The following ABCB5 variants were observed in gnomAD, a reference collection of about 807,000 sequenced individuals.
The protein encoded by ABCB5 is ATP-binding cassette sub-family B member 5.
In ABCB5, 155 loss-of-function variants were observed where a neutral mutation model predicts 144.2. The observed-to-expected ratio is 1.08, with a 90% CI of 0.94 to 1.23. ABCB5 has a LOEUF of 1.23. Among genes scored for constraint, ABCB5 ranks in the 50% most tolerant of loss-of-function variants. The pLI is 0.00. For missense variants in ABCB5, 1,830 were observed against 1,520.8 expected, an observed-to-expected ratio of 1.20 and a Z score of -3.38; for synonymous variants, 610 against 528.6, an observed-to-expected ratio of 1.15 and a Z score of -2.11.
intron 14 of ABCB5, chr7:20,659,473 G>A (rs1427031588): frequency 9.4e-7 from 1 of 1,067,666 alleles, no homozygotes; most frequent in Non-Finnish European, 1.1e-6. Flanking sequence ...ATACTGGCAG[G>A]CTAAATGTCC....
chr7:20,741,467 C>T (rs994756710), intron 24 of ABCB5, among the ~76,000 whole-genome samples: 2 of 151,610 alleles, frequency 1.3e-5, no homozygotes, highest in Non-Finnish European at 2.9e-5. Flanking sequence ...ATTTTTTATA[C>T]AAATAATATT....
At chr7:20,656,170 G>C (rs995760358) in intron 13 of ABCB5, among the ~76,000 whole-genome samples, 1 of 152,022 alleles carries the variant, frequency 6.6e-6, no homozygotes, top group Non-Finnish European at 1.5e-5. Flanking sequence ...ATTGTAAAGC[G>C]TAAACTTCAA....
intron 20 of ABCB5, among the ~76,000 whole-genome samples, chr7:20,717,687 T>A (rs1347500610): frequency 6.6e-6 from 1 of 151,846 alleles, no homozygotes; most frequent in East Asian, 1.9e-4. Flanking sequence ...TCTGCCCGCC[T>A]CGGCCTCCCA....
At chr7:20,747,225 T>G (rs760193212) in intron 26 of ABCB5, among the ~76,000 whole-genome samples, 3 of 152,234 alleles carry the variant, frequency 2.0e-5, no homozygotes, top group Non-Finnish European at 4.4e-5. Context: ...ATAGTTTGTT[T>G]TATGTATTGT....
intron 1 of ABCB5, among the ~76,000 whole-genome samples, chr7:20,620,879 T>C (rs1783793040): frequency 6.6e-6 from 1 of 152,112 alleles, no homozygotes; most frequent in Non-Finnish European, 1.5e-5. Context: ...GATCCAGCAA[T>C]TCTACATCTA....
chr7:20,748,758 T>G (rs1782815223), intron 26 of ABCB5, among the ~76,000 whole-genome samples: 1 of 145,958 alleles, frequency 6.9e-6, no homozygotes, highest in South Asian at 2.2e-4. Context: ...AGTGTGAAAA[T>G]GGTGAAGCAA....
chr7:20,702,571 T>G (rs536934384), intron 19 of ABCB5, among the ~76,000 whole-genome samples: 2 of 152,248 alleles, frequency 1.3e-5, no homozygotes, highest in Non-Finnish European at 2.9e-5. Flanking sequence ...ACATGTACTC[T>G]TCAACTTGAA....
At chr7:20,731,417 G>A (rs1782218573) in intron 23 of ABCB5, among the ~76,000 whole-genome samples, 1 of 149,374 alleles carries the variant, frequency 6.7e-6, no homozygotes, top group African/African-American at 2.5e-5. Context: ...CTGTTTTTCA[G>A]CCAGGACTCT....
At chr7:20,704,075 C>CTTTTT (rs71020669) in intron 19 of ABCB5, among the ~76,000 whole-genome samples, 2 of 80,772 alleles carry the variant, frequency 2.5e-5, no homozygotes, top group Non-Finnish European at 4.3e-5. Flanking sequence ...TATTGCCTTC[C>CTTTTT]TTTTTTTTTT....
At chr7:20,700,869 T>G (rs370104671) in intron 19 of ABCB5, among the ~76,000 whole-genome samples, 5 of 152,316 alleles carry the variant, frequency 3.3e-5, no homozygotes, top group Admixed American at 6.5e-5. Flanking sequence ...AGCAAATAGC[T>G]TCCTGCCAAG....
In ABCB5 at chr7:20,626,546, T is replaced by A. The variant is rs1783913267; in HGVS notation, c.54-11T>A. 1 of 1,601,878 alleles carries A rather than the reference T, an allele frequency of 6.2e-7. No homozygotes were observed. Among genetic ancestry groups the A allele is most frequent in the Non-Finnish European group, 8.5e-7 (1 of 1,173,976 alleles). On this transcript the variant is annotated splice_polypyrimidine_tract_variant and intron_variant, in intron 2 of 27. Coordinates refer to ENST00000404938, the MANE Select transcript of ABCB5 (RefSeq NM_001163941.2). Reference sequence around the variant, plus strand: ...ATTGTAACTGCTGCATTTTGAACTTTTATTTTCCAGAACTGCAGAAGAACA... The same window carrying A: ...ATTGTAACTGCTGCATTTTGAACTTATATTTTCCAGAACTGCAGAAGAACA...
In ABCB5 at chr7:20,650,099, T is replaced by A. The variant is rs1345987672; in HGVS notation, c.1284T>A (p.Ser428Arg). 3 of 1,613,526 alleles carry A rather than the reference T, an allele frequency of 1.9e-6. No individual in the cohort carries two copies. The highest frequency in any genetic ancestry group is 2.5e-6 in the Non-Finnish European group (3 of 1,179,666). ...TCGGTCTCAATGGCAGTGGGAAGAG[T>A]ACGGTAGTCCAGCTTCTGCAGAGGT... The part of the protein sequence containing the change: ...ALVGLNGSGK[S>R]TVVQLLQRLY... Residue 428 changes from serine (S) to arginine (R), a missense_variant, in exon 12 of 28, where the codon AGT becomes AGA. Physicochemically the swap from Ser to Arg is moderately radical, Grantham distance 110 (BLOSUM62 -1). Coordinates refer to ENST00000404938, the MANE Select transcript of ABCB5 (RefSeq NM_001163941.2).
In ABCB5 at chr7:20,668,560, G is replaced by A. The variant is rs1365652020; in HGVS notation, c.1707+9884G>A. Among the ~76,000 whole-genome samples the A allele has an allele frequency of 8.6e-5, 13 of 151,174 alleles. No individual in the cohort carries two copies. In the South Asian group the frequency reaches 1.5e-3, roughly 17 times the overall value. On this transcript the variant is annotated intron_variant, in intron 14 of 27. Coordinates refer to ENST00000404938, the MANE Select transcript of ABCB5 (RefSeq NM_001163941.2). The stretch of plus-strand genomic sequence containing the variant: ...CGTCTGGGAAATGAGGAGCGTCTCC[G>A]CCCGGCAGCCACCCCGTCCGGGAGG...
At chr7:20,623,154 A>G in intron 1 of ABCB5, 111 bp from the exon 2 acceptor site, 1 of 691,876 alleles carries the variant, frequency 1.4e-6, no homozygotes, top group Non-Finnish European at 2.5e-6. Context: ...CGAAATTCTG[A>G]GATGCTTCCT....
At chr7:20,725,490 A>G (rs894910335) in intron 21 of ABCB5, among the ~76,000 whole-genome samples, 1 of 152,202 alleles carries the variant, frequency 6.6e-6, no homozygotes. Context: ...AAGGCAGGAG[A>G]ATCACTTGAA....
chr7:20,682,739 T>A (rs201076708), intron 15 of ABCB5, among the ~76,000 whole-genome samples: 1 of 152,150 alleles, frequency 6.6e-6, no homozygotes, highest in African/African-American at 2.4e-5. Context: ...GATGCACACG[T>A]AAAACCTTAC....
chr7:20,706,687 GT>G (rs1220761525), intron 20 of ABCB5, among the ~76,000 whole-genome samples: 8 of 152,084 alleles, frequency 5.3e-5, no homozygotes. Context: ...AGATTTTAAA[GT>G]TGCCAAATTT....
intron 26 of ABCB5, among the ~76,000 whole-genome samples, chr7:20,752,601 C>T (rs948335349): frequency 6.6e-6 from 1 of 152,208 alleles, no homozygotes; most frequent in African/African-American, 2.4e-5. Context: ...GCAATCCCAA[C>T]ACTTTGGGAG....
At chr7:20,659,193 T>C (rs1784914904) in intron 14 of ABCB5, 1 of 1,609,876 alleles carries the variant, frequency 6.2e-7, no homozygotes, top group Non-Finnish European at 8.5e-7. Flanking sequence ...TATGAGCTAC[T>C]GCACATACCT....
Sources: gnomAD v4.1 joint callset for allele counts (sites outside exome capture counted in the v4.1 genomes callset) on GRCh38, gnomAD v4.1.1 for gene constraint, MANE v1.5 for transcripts, NCBI Gene and HGNC (gene_info 2026-07-23, HGNC 2026-07-21) for gene names.